CHST8: variants seen among roughly 807,000 people sequenced by gnomAD.
CHST8 encodes carbohydrate sulfotransferase 8.
Under a neutral mutation model 15.0 loss-of-function variants are expected in CHST8, and 10 were observed. The ratio of observed to expected loss-of-function variants is 0.67; its 90% CI spans 0.41 to 1.13. The LOEUF is 1.13. Among genes scored for constraint, CHST8 ranks in the 50% most tolerant of loss-of-function variants. The pLI is 0.00. For missense variants in CHST8, 634 were observed against 608.2 expected, an observed-to-expected ratio of 1.04 and a Z score of -0.45; for synonymous variants, 259 against 256.6, an observed-to-expected ratio of 1.01 and a Z score of -0.09.
At chr19:33,741,785 T>A (rs1345573419) in intron 3 of CHST8, among the ~76,000 whole-genome samples, 1 of 152,104 alleles carries the variant, frequency 6.6e-6, no homozygotes, top group East Asian at 1.9e-4. Flanking sequence ...AATGTCTAGA[T>A]TCATGGGAGA....
intron 3 of CHST8, among the ~76,000 whole-genome samples, chr19:33,762,097 A>G (rs746426075): frequency 2.0e-5 from 3 of 152,220 alleles, no homozygotes; most frequent in Non-Finnish European, 2.9e-5. Context: ...ACCTGATCCC[A>G]TGCGACATGC....
chr19:33,646,110 A>G (rs1177321235), intron 1 of CHST8, among the ~76,000 whole-genome samples: 1 of 140,548 alleles, frequency 7.1e-6, no homozygotes, highest in African/African-American at 2.7e-5. Flanking sequence ...CCTGGGAGAC[A>G]GAGTAAGACT....
intron 2 of CHST8, among the ~76,000 whole-genome samples, chr19:33,687,642 T>A (rs1973006033): frequency 6.6e-6 from 1 of 151,646 alleles, no homozygotes. Context: ...GTTAACTGAG[T>A]GAAAAAATAA....
chr19:33,627,130 G>A (rs1000113610), intron 1 of CHST8, among the ~76,000 whole-genome samples: 4 of 146,328 alleles, frequency 2.7e-5, no homozygotes, highest in Admixed American at 7.0e-5. Flanking sequence ...ACGGAGTCTC[G>A]CTCTGTTACC....
intron 3 of CHST8, among the ~76,000 whole-genome samples, chr19:33,764,040 C>A (rs1485593719): frequency 6.6e-6 from 1 of 152,256 alleles, no homozygotes; most frequent in East Asian, 1.9e-4. Flanking sequence ...AGCCAGGGGG[C>A]TGGCACCTGC....
At chr19:33,640,234 C>A (rs1337187408) in intron 1 of CHST8, among the ~76,000 whole-genome samples, 1 of 151,952 alleles carries the variant, frequency 6.6e-6, no homozygotes, top group Non-Finnish European at 1.5e-5. Flanking sequence ...GATCTAGCAC[C>A]ACGTGACTCC....
chr19:33,662,317 A>G (rs531086052), intron 1 of CHST8, among the ~76,000 whole-genome samples: 1 of 152,280 alleles, frequency 6.6e-6, no homozygotes, highest in African/African-American at 2.4e-5. Context: ...GATTCAAACG[A>G]TCTGCCAGTC....
chr19:33,671,418 G>C lies in CHST8; in HGVS notation c.-87+3575G>C, dbSNP rs970901141. Among the ~76,000 whole-genome samples the C allele has an allele frequency of 1.7e-4, 26 of 152,266 alleles. 1 individual carries two copies. Among genetic ancestry groups the C allele is most frequent in the Admixed American group, 9.8e-4 (15 of 15,294 alleles). ...CTGGCCTCTTCCTCCAAGGCCAAGA[G>C]GGGTCCTGCCAAAGTCCAGGTCAGA... On this transcript the variant is annotated intron_variant, in intron 2 of 4. Coordinates refer to ENST00000650847, the MANE Select transcript of CHST8 (RefSeq NM_001127895.2).
chr19:33,758,138 T>TG (rs940307623), intron 3 of CHST8, among the ~76,000 whole-genome samples: 12 of 19,746 alleles, frequency 6.1e-4, no homozygotes, highest in African/African-American at 1.9e-3. Flanking sequence ...TGGGGTGGGG[T>TG]GGGGGGGCAC....
At chr19:33,722,283 A>G (rs1339081713) in intron 3 of CHST8, among the ~76,000 whole-genome samples, 2 of 150,616 alleles carry the variant, frequency 1.3e-5, no homozygotes, top group Admixed American at 1.3e-4. Context: ...GGATGGATGG[A>G]CAGACGGATG....
At chr19:33,685,862 A>C (rs1972969599) in intron 2 of CHST8, among the ~76,000 whole-genome samples, 1 of 152,132 alleles carries the variant, frequency 6.6e-6, no homozygotes, top group South Asian at 2.1e-4. Flanking sequence ...CACCCCCTGG[A>C]ATGCCCGGGG....
intron 1 of CHST8, among the ~76,000 whole-genome samples, chr19:33,651,859 G>A (rs1972453068): frequency 6.6e-6 from 1 of 152,096 alleles, no homozygotes; most frequent in African/African-American, 2.4e-5. Context: ...GAAATAATAT[G>A]TCTCCTCTAA....
At chr19:33,645,021 A>C (rs1465144789) in intron 1 of CHST8, among the ~76,000 whole-genome samples, 1 of 152,200 alleles carries the variant, frequency 6.6e-6, no homozygotes, top group African/African-American at 2.4e-5. Context: ...TGCTCCTGGC[A>C]TCTGGTGGCT....
intron 3 of CHST8, among the ~76,000 whole-genome samples, chr19:33,758,676 T>C (rs1974655447): frequency 6.6e-6 from 1 of 152,200 alleles, no homozygotes; most frequent in South Asian, 2.1e-4. Context: ...CCGTCCTGGC[T>C]GCCTGACTCC....
intron 1 of CHST8, among the ~76,000 whole-genome samples, chr19:33,663,986 C>G (rs924884529): frequency 6.6e-6 from 1 of 152,168 alleles, no homozygotes; most frequent in Non-Finnish European, 1.5e-5. Context: ...ACAATATGTA[C>G]ATATATACAC....
chr19:33,717,884 C>T (rs1568340704), intron 3 of CHST8, among the ~76,000 whole-genome samples: 1 of 152,198 alleles, frequency 6.6e-6, no homozygotes, highest in East Asian at 1.9e-4. Flanking sequence ...TTAATTACCT[C>T]TGCAAAGACT....
rs574813032 is a variant in CHST8 at position 33,767,490 on chromosome 19, G to C, written c.131-3923G>C. Among the ~76,000 whole-genome samples, 6 of 152,310 alleles carry C rather than the reference G, an allele frequency of 3.9e-5. No homozygotes were observed. The South Asian group carries it at 1.2e-3, about 32-fold the overall frequency. On this transcript the variant is annotated intron_variant, in intron 3 of 4. Coordinates refer to ENST00000650847, the MANE Select transcript of CHST8 (RefSeq NM_001127895.2). ...CAATCAGGAGGCTTTTCAGCTAAAC[G>C]CTGAGAACTTCAGCCAATGAAGAGT... is the stretch of plus-strand genomic sequence containing the variant.
chr19:33,755,676 C>T lies in CHST8; in HGVS notation c.131-15737C>T, dbSNP rs184367422. 1.5e-4 allele frequency among the ~76,000 whole-genome samples: 23 copies of T among 152,326 alleles called. No homozygotes were observed. The East Asian group carries it at 4.1e-3, about 27-fold the overall frequency. On this transcript the variant is annotated intron_variant, in intron 3 of 4. Coordinates refer to ENST00000650847, the MANE Select transcript of CHST8 (RefSeq NM_001127895.2). Reference sequence around the variant, plus strand: ...ACATGCCCGGTGCTCCAGACTGGAGCCTTAATTCCTCCAGAAATGCACGCA... The same window carrying T: ...ACATGCCCGGTGCTCCAGACTGGAGTCTTAATTCCTCCAGAAATGCACGCA...
chr19:33,666,148 G>A (rs1389151088), intron 1 of CHST8, among the ~76,000 whole-genome samples: 1 of 152,234 alleles, frequency 6.6e-6, no homozygotes, highest in African/African-American at 2.4e-5. Flanking sequence ...AATTAGTCAC[G>A]TGGCTGGAGA....
Sources: gnomAD v4.1 joint callset for allele counts (sites outside exome capture counted in the v4.1 genomes callset) on GRCh38, gnomAD v4.1.1 for gene constraint, MANE v1.5 for transcripts, NCBI Gene and HGNC (gene_info 2026-07-23, HGNC 2026-07-21) for gene names.